Variants in CREM observed in about 807,000 individuals in gnomAD.
CREM encodes the protein cAMP-responsive element modulator.
A neutral mutation model predicts 37.3 loss-of-function variants in CREM; 13 were observed. The observed-to-expected ratio is 0.35, with a 90% CI of 0.23 to 0.55. CREM has a LOEUF of 0.55. Among genes scored for constraint, CREM ranks in the 20% least tolerant of loss-of-function variants. The pLI is 0.88. For synonymous variants in CREM, 124 were observed against 120.2 expected, an observed-to-expected ratio of 1.03 and a Z score of -0.21; for missense variants, 296 against 362.3, an observed-to-expected ratio of 0.82 and a Z score of 1.49.
intron 6 of CREM, 22 bp downstream of exon 6, chr10:35,188,410 C>A: frequency 6.3e-7 from 1 of 1,578,832 alleles, no homozygotes; most frequent in Non-Finnish European, 8.6e-7. Context: ...TAATCTAATA[C>A]ATTTAGAATA....
chr10:35,209,494 T>C (rs2095616829), intron 7 of CREM: 1 of 337,074 alleles, frequency 3.0e-6, no homozygotes, highest in Middle Eastern at 1.5e-3. Context: ...GCCTGCAACA[T>C]TTTGACTCTA....
At chr10:35,196,195 C>A in intron 6 of CREM, 1 of 1,228,128 alleles carries the variant, frequency 8.1e-7, no homozygotes, top group Non-Finnish European at 1.2e-6. Flanking sequence ...ACTCTTACTC[C>A]ATCCTCTTAC....
intron 1 of CREM, among the ~76,000 whole-genome samples, chr10:35,128,782 C>T (rs1330212440): frequency 1.3e-5 from 2 of 152,156 alleles, no homozygotes; most frequent in South Asian, 2.1e-4. Context: ...GCGTCGGCCT[C>T]CCAAAGTGCT....
chr10:35,194,837 C>T (rs2095080226), intron 6 of CREM, among the ~76,000 whole-genome samples: 1 of 151,066 alleles, frequency 6.6e-6, no homozygotes, highest in Non-Finnish European at 1.5e-5. Context: ...AAGCCTTGGA[C>T]ACAACAATAA....
At chr10:35,206,707 C>G (rs555181325) in intron 6 of CREM, among the ~76,000 whole-genome samples, 188 bp from the exon 7 acceptor site, 1 of 152,298 alleles carries the variant, frequency 6.6e-6, no homozygotes, top group South Asian at 2.1e-4. Context: ...TGCTAAATAT[C>G]ATTGTTCTAA....
At chr10:35,133,351 A>C (rs954154560) in intron 1 of CREM, among the ~76,000 whole-genome samples, 5 of 149,092 alleles carry the variant, frequency 3.4e-5, no homozygotes, top group African/African-American at 1.0e-4. Flanking sequence ...TGTGTCACCC[A>C]GGTTGGAGTG....
chr10:35,150,648 C>G (rs775237446), intron 3 of CREM, among the ~76,000 whole-genome samples: 1 of 152,004 alleles, frequency 6.6e-6, no homozygotes, highest in Non-Finnish European at 1.5e-5. Context: ...ATGAAGAAAC[C>G]CTGTCTCTAC....
chr10:35,199,882 A>AT (rs2095331976), intron 6 of CREM, among the ~76,000 whole-genome samples: 1 of 125,422 alleles, frequency 8.0e-6, no homozygotes, highest in Admixed American at 1.0e-4. Flanking sequence ...AAGTCGTTAA[A>AT]ATGGCTTTTT....
At chr10:35,195,782 C>T (rs1247719946) in intron 6 of CREM, 1 of 489,964 alleles carries the variant, frequency 2.0e-6, no homozygotes, top group East Asian at 3.6e-5. Context: ...AGGCTGATGT[C>T]ATTACATTTC....
At chr10:35,154,061 T>C (rs751929191) in intron 3 of CREM, 21 of 398,490 alleles carry the variant, frequency 5.3e-5, no homozygotes, top group Non-Finnish European at 9.3e-5. Context: ...CCATTCTAAG[T>C]GCACAATGTG....
chr10:35,201,397 C>A (rs371386433), intron 6 of CREM: 447 of 1,546,680 alleles, frequency 2.9e-4, no homozygotes, highest in Non-Finnish European at 3.6e-4. Flanking sequence ...CTTTGACATA[C>A]ATTGTAGGGT....
chr10:35,138,726 A>C (rs1367155959), intron 2 of CREM, among the ~76,000 whole-genome samples: 1 of 151,474 alleles, frequency 6.6e-6, no homozygotes, highest in Admixed American at 6.6e-5. Flanking sequence ...TTTATTACTA[A>C]AAAAAATTTT....
intron 7 of CREM, among the ~76,000 whole-genome samples, chr10:35,210,961 G>A (rs1356143601): frequency 6.6e-6 from 1 of 152,194 alleles, no homozygotes; most frequent in East Asian, 1.9e-4. Flanking sequence ...TTGGGGATGT[G>A]GTCCTATTGT....
intron 7 of CREM, among the ~76,000 whole-genome samples, chr10:35,210,115 G>A (rs17591857): frequency 0.33 from 50,134 of 151,704 alleles, 8,379 homozygotes; most frequent in Non-Finnish European, 0.35. Context: ...CAGGATGCTA[G>A]CTGGCATTAC....
At chr10:35,144,243 C>G (rs1357939877) in intron 2 of CREM, among the ~76,000 whole-genome samples, 1 of 152,158 alleles carries the variant, frequency 6.6e-6, no homozygotes, top group Non-Finnish European at 1.5e-5. Flanking sequence ...CCATCTCTGC[C>G]TTTCTCCCTA....
At chr10:35,190,575 C>T (rs555258566) in intron 6 of CREM, among the ~76,000 whole-genome samples, 3 of 151,940 alleles carry the variant, frequency 2.0e-5, no homozygotes, top group Non-Finnish European at 2.9e-5. Flanking sequence ...TTTTTGTGCA[C>T]GATTATTCTT....
In CREM at chr10:35,134,083, G is replaced by T. The variant is rs553272285; in HGVS notation, c.-54-3699G>T. 2.1e-5 allele frequency among the ~76,000 whole-genome samples: 3 copies of T among 143,792 alleles called. No individual in the cohort carries two copies. The South Asian group carries it at 6.6e-4, about 32-fold the overall frequency. 94.3% of individuals were successfully genotyped at this position (143,792 alleles called of 152,430 possible). A position where few individuals can be genotyped will look rare whatever the true frequency, so the allele number is the denominator to read the frequency against. ...TTTTTTTTTTTTTCAAGACAGCTCTGTTGCCCTGGCTGGAGTGCAATGGTG... is the reference window on the plus strand; with the variant it reads ...TTTTTTTTTTTTTCAAGACAGCTCTTTTGCCCTGGCTGGAGTGCAATGGTG... On this transcript the variant is annotated intron_variant, in intron 1 of 7. Coordinates refer to ENST00000685392, the MANE Select transcript of CREM (RefSeq NM_183011.2).
chr10:35,128,511 C>G (rs2088515513), intron 1 of CREM, among the ~76,000 whole-genome samples: 2 of 149,206 alleles, frequency 1.3e-5, no homozygotes, highest in Non-Finnish European at 3.0e-5. Flanking sequence ...TTGAGCGCCA[C>G]GTTTTTTTCC....
chr10:35,183,025 A>G (rs529344553), intron 5 of CREM, among the ~76,000 whole-genome samples: 119 of 152,338 alleles, frequency 7.8e-4, no homozygotes, highest in African/African-American at 2.6e-3. Flanking sequence ...TTCCTAATTC[A>G]TTAAATTTCC....
Sources: gnomAD v4.1 joint callset for allele counts (sites outside exome capture counted in the v4.1 genomes callset) on GRCh38, gnomAD v4.1.1 for gene constraint, MANE v1.5 for transcripts, NCBI Gene and HGNC (gene_info 2026-07-23, HGNC 2026-07-21) for gene names.